The following CSMD1 variants were observed in gnomAD, a reference collection of about 807,000 sequenced individuals.
The protein encoded by CSMD1 is CUB and sushi domain-containing protein 1.
In CSMD1, 213 loss-of-function variants were observed where a neutral mutation model predicts 417.5. The observed-to-expected ratio is 0.51, with a 90% confidence interval of 0.46 to 0.57. The LOEUF is 0.57. CSMD1 is among the 20% of genes least tolerant of loss of function. The pLI is 0.00. For synonymous variants in CSMD1, 2,862 were observed against 1,736.8 expected, an observed-to-expected ratio of 1.65 and a Z score of -16.11; for missense variants, 6,923 against 4,529.7, an observed-to-expected ratio of 1.53 and a Z score of -15.17.
At chr8:3,546,564 A>G (rs567819733) in intron 10 of CSMD1, among the ~76,000 whole-genome samples, 1 of 152,184 alleles carries the variant, frequency 6.6e-6, no homozygotes, top group East Asian at 1.9e-4. Context: ...TGATACTGTC[A>G]CCATACATTG....
At chr8:4,484,786 G>A (rs1420726838) in intron 2 of CSMD1, among the ~76,000 whole-genome samples, 6 of 151,798 alleles carry the variant, frequency 4.0e-5, no homozygotes, top group South Asian at 2.1e-4. Flanking sequence ...TGGCTAACAC[G>A]GTGAAACCCC....
chr8:3,943,411 T>G (rs1253460475), intron 5 of CSMD1, among the ~76,000 whole-genome samples: 1 of 88,544 alleles, frequency 1.1e-5, no homozygotes, highest in Admixed American at 1.3e-4. Flanking sequence ...TTATAAGTTG[T>G]TTTTTTTTCA....
chr8:3,308,618 G>A lies in CSMD1; in HGVS notation c.3632-115C>T, dbSNP rs907601819. The A allele has an allele frequency of 5.4e-6, 4 of 745,472 alleles. No individual in the cohort carries two copies. In the African/African-American group the frequency reaches 7.0e-5, roughly 13 times the overall value. 46.2% of individuals were successfully genotyped at this position (745,472 alleles called of 1,614,324 possible). A position where few individuals can be genotyped will look rare whatever the true frequency, so the allele number is the denominator to read the frequency against. On this transcript the variant is annotated intron_variant, in intron 23 of 69. Transcript: ENST00000635120. The stretch of plus-strand genomic sequence containing the variant: ...TCCTTGAAGGGTAGGGAGAAAAAAG[G>A]AGATTGTGAATTTACAAAGGGGAAA...
intron 52 of CSMD1, among the ~76,000 whole-genome samples, chr8:3,015,673 G>A (rs78551767): frequency 0.048 from 7,267 of 151,636 alleles, 181 homozygotes; most frequent in East Asian, 0.07. Context: ...CAAGTATCTC[G>A]TTTACCCCGG....
At chr8:3,848,479 T>C (rs1010262524) in intron 5 of CSMD1, among the ~76,000 whole-genome samples, 6 of 149,354 alleles carry the variant, frequency 4.0e-5, no homozygotes, top group African/African-American at 9.9e-5. Flanking sequence ...ATTCAGTTAA[T>C]TGATCTGGAT....
At chr8:3,811,600 C>T (rs1378530940) in intron 5 of CSMD1, among the ~76,000 whole-genome samples, 1 of 152,126 alleles carries the variant, frequency 6.6e-6, no homozygotes, top group Non-Finnish European at 1.5e-5. Flanking sequence ...CAACCACAGG[C>T]ACACACTCCT....
intron 1 of CSMD1, among the ~76,000 whole-genome samples, chr8:4,721,537 C>G (rs138217915): frequency 6.6e-6 from 1 of 152,034 alleles, no homozygotes; most frequent in African/African-American, 2.4e-5. Flanking sequence ...GTTAGTATGG[C>G]TATTATCAAA....
chr8:3,333,180 T>G (rs982659291), intron 23 of CSMD1, among the ~76,000 whole-genome samples: 2 of 152,072 alleles, frequency 1.3e-5, no homozygotes, highest in Admixed American at 1.3e-4. Flanking sequence ...GACACTCAGA[T>G]GAGACCACAG....
At position 3,970,417 on chromosome 8, in the gene CSMD1, T is replaced by C. The variant is rs150004725; in HGVS notation, c.818+27486A>G. 6.1e-3 allele frequency among the ~76,000 whole-genome samples: 934 copies of C among 152,286 alleles called. 5 individuals are homozygous for C. Among genetic ancestry groups the C allele is most frequent in the Middle Eastern group, 0.014 (4 of 294 alleles). On this transcript the variant is annotated intron_variant, in intron 5 of 69. Transcript: ENST00000635120. ...CGAGATTGATTAGGAGGGAACAATA[T>C]GGATTTTATTACCCCAGGACATGGC...
intron 3 of CSMD1, among the ~76,000 whole-genome samples, chr8:4,220,556 G>A (rs1455391327): frequency 2.0e-5 from 3 of 152,204 alleles, no homozygotes; most frequent in Non-Finnish European, 4.4e-5. Flanking sequence ...ACAATTTTAG[G>A]TTTTGTGTGA....
At chr8:3,775,626 T>C (rs893061489) in intron 5 of CSMD1, among the ~76,000 whole-genome samples, 3 of 152,204 alleles carry the variant, frequency 2.0e-5, no homozygotes, top group East Asian at 1.9e-4. Flanking sequence ...TTGGGACTCA[T>C]GTGCTCCTGT....
At chr8:3,867,720 T>C (rs1017372481) in intron 5 of CSMD1, among the ~76,000 whole-genome samples, 2 of 152,148 alleles carry the variant, frequency 1.3e-5, no homozygotes, top group African/African-American at 2.4e-5. Flanking sequence ...TTGTTAATAA[T>C]AATAGCTGCT....
At chr8:3,324,250 AC>A (rs1806362120) in intron 23 of CSMD1, among the ~76,000 whole-genome samples, 1 of 93,276 alleles carries the variant, frequency 1.1e-5, no homozygotes, top group Non-Finnish European at 2.2e-5. Context: ...AGTTTCCTTC[AC>A]CCCACCTTTC....
chr8:3,267,189 G>A (rs920788676), intron 26 of CSMD1, among the ~76,000 whole-genome samples: 7 of 152,084 alleles, frequency 4.6e-5, no homozygotes, highest in Non-Finnish European at 7.4e-5. Flanking sequence ...TGGGAGAGGG[G>A]TCAGAATTCC....
intron 2 of CSMD1, among the ~76,000 whole-genome samples, chr8:4,488,850 GT>G (rs1180008856): frequency 1.3e-5 from 2 of 152,156 alleles, no homozygotes; most frequent in African/African-American, 2.4e-5. Flanking sequence ...TGATTCCCCT[GT>G]CCTTATGATA....
At chr8:4,372,001 G>C (rs976251329) in intron 3 of CSMD1, among the ~76,000 whole-genome samples, 1 of 152,300 alleles carries the variant, frequency 6.6e-6, no homozygotes, top group Non-Finnish European at 1.5e-5. Flanking sequence ...GAAGACATAA[G>C]AGTTCAAAGG....
intron 3 of CSMD1, among the ~76,000 whole-genome samples, chr8:4,056,732 G>C (rs1037195004): frequency 2.3e-4 from 35 of 151,284 alleles, no homozygotes; most frequent in Admixed American, 9.9e-4. Flanking sequence ...ACCCCTTCCT[G>C]TGTCCATGCG....
At chr8:4,708,979 G>T (rs372407545) in intron 1 of CSMD1, among the ~76,000 whole-genome samples, 1 of 152,104 alleles carries the variant, frequency 6.6e-6, no homozygotes, top group Non-Finnish European at 1.5e-5. Flanking sequence ...CTGATACCTC[G>T]ATCTTGGGCT....
Position 4,163,054 on chromosome 8 carries a change from G to C in CSMD1, c.416-130955C>G, listed in dbSNP as rs557959349. 3.8e-4 allele frequency among the ~76,000 whole-genome samples: 58 copies of C among 152,212 alleles called. 1 individual carries two copies. The highest frequency in any genetic ancestry group is 5.9e-4 in the Admixed American group (9 of 15,288). Reference sequence around the variant, plus strand: ...GCACTTCAGTTCACTCTATGTCTTTGCATGGCTTTCGGTTAATTTTGTTTT... The same window carrying C: ...GCACTTCAGTTCACTCTATGTCTTTCCATGGCTTTCGGTTAATTTTGTTTT... On this transcript the variant is annotated intron_variant, in intron 3 of 69. Transcript: ENST00000635120.
Sources: allele counts gnomAD v4.1 joint callset (sites outside exome capture counted in the v4.1 genomes callset), GRCh38; gene constraint gnomAD v4.1.1; transcripts MANE v1.5; gene names NCBI Gene and HGNC (gene_info 2026-07-23, HGNC 2026-07-21).